The following ADARB2 variants were observed in gnomAD, a reference collection of about 807,000 sequenced individuals.
The protein encoded by ADARB2 is adenosine deaminase RNA specific B2 (inactive), also known as inactive double-stranded RNA-specific editase B2.
A neutral mutation model predicts 62.2 loss-of-function variants in ADARB2; 25 were observed. That is an observed-to-expected ratio of 0.40 (90% CI 0.29 to 0.56). The LOEUF is 0.56. Ranked by LOEUF, ADARB2 falls within the 20% of genes least tolerant of loss-of-function variation. The pLI, the probability that ADARB2 is intolerant of heterozygous loss-of-function variation, is 0.43. For missense variants in ADARB2, 1,071 were observed against 1,077.4 expected (o/e 0.99, Z 0.08); for synonymous variants, 572 against 500.8 (o/e 1.14, Z -1.90).
intron 4 of ADARB2, among the ~76,000 whole-genome samples, chr10:1,270,549 C>T (rs1369992835): frequency 1.3e-5 from 2 of 152,036 alleles, no homozygotes; most frequent in South Asian, 2.1e-4. Flanking sequence ...GCATGCCCCT[C>T]GCGGCTGGGT....
chr10:1,513,532 C>T (rs978889178), intron 1 of ADARB2, among the ~76,000 whole-genome samples: 2 of 152,168 alleles, frequency 1.3e-5, no homozygotes, highest in African/African-American at 2.4e-5. Context: ...CACCATGGTT[C>T]TAGCCAGGAG....
At chr10:1,633,582 A>G (rs1833875594) in intron 1 of ADARB2, among the ~76,000 whole-genome samples, 1 of 150,242 alleles carries the variant, frequency 6.7e-6, no homozygotes, top group Non-Finnish European at 1.5e-5. Context: ...CTATCTATCT[A>G]TCTATCTATC....
intron 7 of ADARB2, among the ~76,000 whole-genome samples, chr10:1,212,105 C>G (rs528880222): frequency 6.6e-6 from 1 of 152,320 alleles, no homozygotes; most frequent in South Asian, 2.1e-4. Context: ...AGACTCCACT[C>G]TCCACAGAGC....
chr10:1,594,761 G>T (rs890285692), intron 1 of ADARB2, among the ~76,000 whole-genome samples: 2 of 152,256 alleles, frequency 1.3e-5, no homozygotes, highest in Admixed American at 1.3e-4. Context: ...AGAGCCTCCA[G>T]TTTTTCAGCC....
At chr10:1,543,970 C>G (rs1832477281) in intron 1 of ADARB2, among the ~76,000 whole-genome samples, 1 of 139,944 alleles carries the variant, frequency 7.1e-6, no homozygotes, top group African/African-American at 2.6e-5. Flanking sequence ...ACAGATAGCT[C>G]TTACTGAAAG....
intron 4 of ADARB2, among the ~76,000 whole-genome samples, chr10:1,253,860 G>C (rs1248076776): frequency 6.6e-6 from 1 of 152,246 alleles, no homozygotes; most frequent in Non-Finnish European, 1.5e-5. Context: ...GAGCTCTGTG[G>C]TGAGGATGTG....
chr10:1,718,872 T>C (rs1366771347), intron 1 of ADARB2, among the ~76,000 whole-genome samples: 2 of 152,188 alleles, frequency 1.3e-5, no homozygotes, highest in East Asian at 3.9e-4. Context: ...TCTCAATTGA[T>C]TGTGAATTAA....
chr10:1,533,510 C>T (rs556532526), intron 1 of ADARB2, among the ~76,000 whole-genome samples: 1 of 152,142 alleles, frequency 6.6e-6, no homozygotes, highest in East Asian at 1.9e-4. Flanking sequence ...CCCTAGGAAA[C>T]CAAGGCTACG....
intron 4 of ADARB2, among the ~76,000 whole-genome samples, chr10:1,247,437 G>T (rs1564234820): frequency 1.3e-5 from 2 of 152,160 alleles, no homozygotes; most frequent in African/African-American, 4.8e-5. Flanking sequence ...TCCAGTTTTT[G>T]CCCATTCAGT....
intron 1 of ADARB2, among the ~76,000 whole-genome samples, chr10:1,585,897 G>A (rs1443266628): frequency 2.6e-5 from 4 of 152,126 alleles, no homozygotes; most frequent in East Asian, 1.9e-4. Flanking sequence ...GGCTGGGTGG[G>A]GTGGCGGGCG....
At chr10:1,673,096 G>A (rs1299533918) in intron 1 of ADARB2, among the ~76,000 whole-genome samples, 1 of 152,102 alleles carries the variant, frequency 6.6e-6, no homozygotes, top group Admixed American at 6.5e-5. Flanking sequence ...CATTCCTTTT[G>A]GTGTAGCCTC....
chr10:1,637,002 G>C (rs7916773), intron 1 of ADARB2, among the ~76,000 whole-genome samples: 30,945 of 151,336 alleles, frequency 0.2, 3,443 homozygotes, highest in Admixed American at 0.26. Context: ...TACAATAACA[G>C]TCTTTCTTTT....
At chr10:1,302,181 C>T (rs976112816) in intron 3 of ADARB2, among the ~76,000 whole-genome samples, 72 of 152,244 alleles carry the variant, frequency 4.7e-4, no homozygotes, top group African/African-American at 1.3e-3. Flanking sequence ...ACACCGTGCG[C>T]GAGCCGAAGC....
At chr10:1,697,312 A>G (rs564157890) in intron 1 of ADARB2, among the ~76,000 whole-genome samples, 1 of 152,318 alleles carries the variant, frequency 6.6e-6, no homozygotes, top group South Asian at 2.1e-4. Context: ...CCTTGAAAGC[A>G]ACATGTTCCA....
chr10:1,643,120 G>A lies in ADARB2; in HGVS notation c.100+93931C>T, dbSNP rs148146694. ...GACACCCAAAGGCCATGGGACTGGT[G>A]AGCAGCAAAACTGGAATTTAAAACT... is the stretch of plus-strand genomic sequence containing the variant. On this transcript the variant is annotated intron_variant, in intron 1 of 9. Coordinates refer to ENST00000381312, the MANE Select transcript of ADARB2 (RefSeq NM_018702.4). Among the ~76,000 whole-genome samples the A allele has an allele frequency of 3.4e-3, 512 of 152,322 alleles. 2 individuals carry two copies. Among genetic ancestry groups the A allele is most frequent in the African/African-American group, 0.011 (461 of 41,560 alleles).
At chr10:1,418,130 G>A (rs972360222) in intron 1 of ADARB2, among the ~76,000 whole-genome samples, 2 of 152,318 alleles carry the variant, frequency 1.3e-5, no homozygotes, top group African/African-American at 4.8e-5. Flanking sequence ...GGACGTTTCC[G>A]TAAACCAAAG....
intron 7 of ADARB2, among the ~76,000 whole-genome samples, chr10:1,206,178 C>T (rs541947542): frequency 3.9e-5 from 6 of 152,362 alleles, no homozygotes; most frequent in East Asian, 1.9e-4. Flanking sequence ...CCCTGCAACA[C>T]GCTGGTAAAA....
In ADARB2 at chr10:1,622,466, A is replaced by G. The variant is rs139245149; in HGVS notation, c.100+114585T>C. 3.8e-3 allele frequency among the ~76,000 whole-genome samples: 585 copies of G among 152,314 alleles called. 5 individuals carry two copies. Among genetic ancestry groups the G allele is most frequent in the African/African-American group, 0.013 (558 of 41,580 alleles). On this transcript the variant is annotated intron_variant, in intron 1 of 9. Coordinates refer to ENST00000381312, the MANE Select transcript of ADARB2 (RefSeq NM_018702.4). ...TAAAGAACTTTTATCTAGAATATAT[A>G]TATAAAGAATCCTACAACTCAGTAA... is the stretch of plus-strand genomic sequence containing the variant.
chr10:1,188,434 T>G (rs568169776), intron 8 of ADARB2, among the ~76,000 whole-genome samples: 3 of 152,334 alleles, frequency 2.0e-5, no homozygotes, highest in African/African-American at 7.2e-5. Flanking sequence ...CCTTGTTCCT[T>G]TCACGGAAAA....
Sources: gnomAD v4.1 joint callset for allele counts (sites outside exome capture counted in the v4.1 genomes callset) on GRCh38, gnomAD v4.1.1 for gene constraint, MANE v1.5 for transcripts, NCBI Gene and HGNC (gene_info 2026-07-23, HGNC 2026-07-21) for gene names.